Variants in PEPD observed in about 807,000 individuals in gnomAD.
PEPD encodes the protein xaa-Pro dipeptidase.
A neutral mutation model predicts 60.7 loss-of-function variants in PEPD; 53 were observed. That is an observed-to-expected ratio of 0.87 (90% confidence interval 0.70 to 1.10). The LOEUF (loss-of-function observed/expected upper bound fraction) is 1.10, where lower values mean the gene tolerates loss of function less well. Ranked by LOEUF, PEPD falls within the 50% of genes least tolerant of loss-of-function variation. The pLI, the probability that PEPD is intolerant of heterozygous loss-of-function variation, is 0.00. For synonymous variants in PEPD, 267 were observed against 284.1 expected, an observed-to-expected ratio of 0.94 and a Z score of 0.60; for missense variants, 711 against 711.9, an observed-to-expected ratio of 1.00 and a Z score of 0.01.
intron 7 of PEPD, among the ~76,000 whole-genome samples, chr19:33,477,669 C>G (rs1970243397): frequency 6.6e-6 from 1 of 152,176 alleles, no homozygotes; most frequent in African/African-American, 2.4e-5. Context: ...AGAATGCCAC[C>G]TTTGTCAAGA....
At chr19:33,508,798 A>G (rs1392869249) in intron 3 of PEPD, among the ~76,000 whole-genome samples, 1 of 152,228 alleles carries the variant, frequency 6.6e-6, no homozygotes. Flanking sequence ...AGGGAAATAG[A>G]TGTCACCTGC....
Position 33,490,069 on chromosome 19 carries a change from G to T in PEPD, c.442-12C>A, listed in dbSNP as rs941969423. 1 of 1,607,228 alleles carries T rather than the reference G, an allele frequency of 6.2e-7. No individual in the cohort carries two copies. Among genetic ancestry groups the T allele is most frequent in the Admixed American group, 1.7e-5 (1 of 59,876 alleles). On this transcript the variant is annotated splice_polypyrimidine_tract_variant and intron_variant, in intron 5 of 14. Coordinates refer to ENST00000244137, the MANE Select transcript of PEPD (RefSeq NM_000285.4). ...GTGTTGACGCCACGCTGGGGAGAGA[G>T]AACACAGACATGACACACGGGGCCG... is the stretch of plus-strand genomic sequence containing the variant.
intron 9 of PEPD, among the ~76,000 whole-genome samples, chr19:33,448,495 G>A (rs1442132341): frequency 6.6e-6 from 1 of 152,172 alleles, no homozygotes; most frequent in Non-Finnish European, 1.5e-5. Flanking sequence ...AGTGAAGCTG[G>A]CCAGGTAGTG....
In PEPD at chr19:33,465,036, G is replaced by T. The variant is rs150269711; in HGVS notation, c.549-974C>A. ...GGCCAAGATCCCTACTCTGTGCCTC[G>T]GTTTCCCCATCTGAAAAACGGAGAT... On this transcript the variant is annotated intron_variant, in intron 7 of 14. Coordinates refer to ENST00000244137, the MANE Select transcript of PEPD (RefSeq NM_000285.4). 2.0e-3 allele frequency among the ~76,000 whole-genome samples: 298 copies of T among 152,216 alleles called. 1 individual carries two copies. The highest frequency in any genetic ancestry group is 6.4e-3 in the African/African-American group (265 of 41,528).
At position 33,387,996 on chromosome 19, in the gene PEPD, G is replaced by A. The variant is rs762631029; in HGVS notation, c.1238C>T (p.Pro413Leu). ...GAGGTGGTCGATGAAGTAGATGCCCGGCTCCACGGTGAGCACCATGCCTGG... is the reference window on the plus strand; with the variant it reads ...GAGGTGGTCGATGAAGTAGATGCCCAGCTCCACGGTGAGCACCATGCCTGG... ...LQPGMVLTVE[P>L]GIYFIDHLLD... The change falls in exon 14 of 15, where the codon CCG (proline) becomes CTG (leucine). Residue 413 changes from proline (P) to leucine (L), a missense_variant. Physicochemically the swap from Pro to Leu is moderately conservative, Grantham distance 98. Coordinates refer to ENST00000244137, the MANE Select transcript of PEPD (RefSeq NM_000285.4). 1.9e-6 allele frequency: 3 copies of A among 1,582,382 alleles called. No homozygotes were observed. The highest frequency in any genetic ancestry group is 8.6e-7 in the Non-Finnish European group (1 of 1,164,652).
chr19:33,493,183 GT>G, intron 5 of PEPD, 106 bp downstream of exon 5: 2 of 825,264 alleles, frequency 2.4e-6, no homozygotes, highest in Non-Finnish European at 4.1e-6. Context: ...ACCCCTCTCC[GT>G]TTTTTAATCC....
chr19:33,461,439 C>T (rs112742348), intron 9 of PEPD, among the ~76,000 whole-genome samples: 3,217 of 152,256 alleles, frequency 0.021, 114 homozygotes, highest in African/African-American at 0.072. Context: ...GGCTCTGGGA[C>T]GCTGTGGGGA....
chr19:33,428,397 T>C (rs1016702880), intron 9 of PEPD, among the ~76,000 whole-genome samples: 1 of 152,006 alleles, frequency 6.6e-6, no homozygotes, highest in African/African-American at 2.4e-5. Context: ...TCGGACACCT[T>C]CCACACTGAC....
At chr19:33,490,178 C>A (rs908555312) in intron 5 of PEPD, 121 bp from the exon 6 acceptor site, 24 of 724,186 alleles carry the variant, frequency 3.3e-5, no homozygotes, top group Non-Finnish European at 6.0e-5. Flanking sequence ...TGCCTTCCCC[C>A]AACAGATGAG....
chr19:33,498,929 C>T (rs1175040204), intron 4 of PEPD, among the ~76,000 whole-genome samples: 1 of 152,186 alleles, frequency 6.6e-6, no homozygotes, highest in South Asian at 2.1e-4. Flanking sequence ...CCCAGGCTGC[C>T]CCTCCAGGTT....
intron 6 of PEPD, among the ~76,000 whole-genome samples, chr19:33,484,806 A>T (rs1387485340): frequency 1.3e-5 from 2 of 152,210 alleles, no homozygotes; most frequent in Non-Finnish European, 1.5e-5. Flanking sequence ...TCAGAGAAAC[A>T]CAATCAGACA....
At chr19:33,434,428 C>A (rs564692120) in intron 9 of PEPD, among the ~76,000 whole-genome samples, 1 of 152,028 alleles carries the variant, frequency 6.6e-6, no homozygotes, top group Non-Finnish European at 1.5e-5. Context: ...CTTTTTTATC[C>A]CCCCTGGCAG....
chr19:33,499,547 G>C (rs149673117), intron 4 of PEPD, among the ~76,000 whole-genome samples: 2 of 152,236 alleles, frequency 1.3e-5, no homozygotes, highest in African/African-American at 4.8e-5. Flanking sequence ...TGGGGAAAAA[G>C]AACTGGACGT....
chr19:33,430,456 G>A (rs1969244892), intron 9 of PEPD, among the ~76,000 whole-genome samples: 2 of 152,118 alleles, frequency 1.3e-5, no homozygotes, highest in African/African-American at 4.8e-5. Context: ...GCCAGGAAGA[G>A]ACTTCTGCTG....
At chr19:33,403,957 C>G (rs1307025687) in intron 11 of PEPD, among the ~76,000 whole-genome samples, 1 of 152,208 alleles carries the variant, frequency 6.6e-6, no homozygotes, top group Non-Finnish European at 1.5e-5. Context: ...TGCACAGGGC[C>G]TAGGCTTCCC....
At chr19:33,513,945 T>TCTGCAGAAATGCCCCTTTCCTAC (rs1970980231) in intron 1 of PEPD, among the ~76,000 whole-genome samples, 1 of 45,970 alleles carries the variant, frequency 2.2e-5, no homozygotes, top group African/African-American at 6.0e-5. Flanking sequence ...ACCCACCCCA[T>TCTGCAGAAATGCCCCTTTCCTAC]CCCCCAGCTC....
chr19:33,388,464 A>C, intron 13 of PEPD: 1 of 390,530 alleles, frequency 2.6e-6, no homozygotes, highest in Non-Finnish European at 4.9e-6. Context: ...GAAGCCAAAA[A>C]AGCTCTTAAG....
At chr19:33,456,662 G>T (rs1253578376) in intron 9 of PEPD, among the ~76,000 whole-genome samples, 1 of 152,110 alleles carries the variant, frequency 6.6e-6, no homozygotes, top group Non-Finnish European at 1.5e-5. Flanking sequence ...CGGGTGCAGG[G>T]TCCTGCCCAC....
chr19:33,401,616 G>A, intron 12 of PEPD, 105 bp downstream of exon 12: 1 of 1,074,882 alleles, frequency 9.3e-7, no homozygotes, highest in Non-Finnish European at 1.4e-6. Context: ...GAGTGTGGCA[G>A]ATTCAAGTCA....
Sources: gnomAD v4.1 joint callset for allele counts (sites outside exome capture counted in the v4.1 genomes callset) on GRCh38, gnomAD v4.1.1 for gene constraint, MANE v1.5 for transcripts, NCBI Gene and HGNC (gene_info 2026-07-23, HGNC 2026-07-21) for gene names.